Variants in GRIN2B observed in about 807,000 individuals in gnomAD.
GRIN2B encodes the protein glutamate receptor ionotropic, NMDA 2B.
In GRIN2B, 5 loss-of-function variants were observed where a neutral mutation model predicts 114.5. The ratio of observed to expected loss-of-function variants is 0.04; its 90% confidence interval spans 0.02 to 0.09. GRIN2B has a LOEUF of 0.09. Ranked by LOEUF, GRIN2B falls within the 10% of genes least tolerant of loss-of-function variation. The pLI, the probability that GRIN2B is intolerant of heterozygous loss-of-function variation, is 1.00. For synonymous variants in GRIN2B, 787 were observed against 745.1 expected, an observed-to-expected ratio of 1.06 and a Z score of -0.92; for missense variants, 1,108 against 1,943.5, an observed-to-expected ratio of 0.57 and a Z score of 8.08.
intron 3 of GRIN2B, among the ~76,000 whole-genome samples, chr12:13,801,243 T>G (rs1864507269): frequency 6.6e-6 from 1 of 152,194 alleles, no homozygotes; most frequent in South Asian, 2.1e-4. Flanking sequence ...GTGCAAATGT[T>G]ACAAACATAC....
Position 13,572,977 on chromosome 12 carries a change from T to A in GRIN2B, c.2011-1013A>T, listed in dbSNP as rs765781726. 6.4e-5 allele frequency among the ~76,000 whole-genome samples: 8 copies of A among 125,438 alleles called. 1 individual carries two copies. Among genetic ancestry groups the A allele is most frequent in the Non-Finnish European group, 1.3e-4 (7 of 55,456 alleles). 82.3% of individuals were successfully genotyped at this position (125,438 alleles called of 152,430 possible). A position where few individuals can be genotyped will look rare whatever the true frequency, so the allele number is the denominator to read the frequency against. ...TGCTAGCTCGTCTCTGATGTCATCA[T>A]TAAGAGTTTAAACTCTAGATTGAAA... On this transcript the variant is annotated intron_variant, in intron 10 of 13. Coordinates refer to ENST00000609686, the MANE Select transcript of GRIN2B (RefSeq NM_000834.5).
chr12:13,869,028 C>T (rs1173206246), intron 2 of GRIN2B, among the ~76,000 whole-genome samples: 2 of 152,176 alleles, frequency 1.3e-5, no homozygotes, highest in African/African-American at 4.8e-5. Flanking sequence ...GGAAGTCTTG[C>T]TCTCCCTGTA....
intron 4 of GRIN2B, among the ~76,000 whole-genome samples, chr12:13,680,539 G>A (rs1591672975): frequency 6.6e-6 from 1 of 151,396 alleles, no homozygotes; most frequent in Non-Finnish European, 1.5e-5. Flanking sequence ...TAAGAAACCA[G>A]ATGGTCTGCC....
intron 5 of GRIN2B, among the ~76,000 whole-genome samples, chr12:13,621,720 C>G (rs34182908): frequency 0.51 from 11,347 of 22,192 alleles, 454 homozygotes; most frequent in African/African-American, 0.52. Context: ...GGGAATTTCT[C>G]CTCAGAAGGA....
At chr12:13,709,455 C>T (rs576178226) in intron 4 of GRIN2B, among the ~76,000 whole-genome samples, 3 of 151,934 alleles carry the variant, frequency 2.0e-5, no homozygotes, top group South Asian at 4.1e-4. Flanking sequence ...AAATCGAAAG[C>T]GTCAGCAAAG....
chr12:13,686,798 G>C (rs144660263), intron 4 of GRIN2B, among the ~76,000 whole-genome samples: 2 of 152,118 alleles, frequency 1.3e-5, no homozygotes, highest in Non-Finnish European at 2.9e-5. Flanking sequence ...TGATTTGGCT[G>C]TCTGTCCATC....
intron 3 of GRIN2B, among the ~76,000 whole-genome samples, chr12:13,791,657 A>G (rs377683742): frequency 3.3e-5 from 5 of 152,224 alleles, no homozygotes; most frequent in East Asian, 3.9e-4. Context: ...TAGCCTTATG[A>G]GGTAGGAATT....
intron 2 of GRIN2B, among the ~76,000 whole-genome samples, chr12:13,882,382 G>A (rs746781691): frequency 2.0e-5 from 3 of 152,154 alleles, no homozygotes; most frequent in Non-Finnish European, 4.4e-5. Context: ...TCAAGAGGAG[G>A]AAAGAGAAGC....
At chr12:13,825,141 C>T (rs1317612085) in intron 3 of GRIN2B, among the ~76,000 whole-genome samples, 1 of 151,726 alleles carries the variant, frequency 6.6e-6, no homozygotes, top group Non-Finnish European at 1.5e-5. Flanking sequence ...TAATTCAGTC[C>T]AAAATATATC....
intron 12 of GRIN2B, among the ~76,000 whole-genome samples, chr12:13,568,071 CAA>C (rs1348195128): frequency 6.6e-6 from 1 of 151,948 alleles, no homozygotes; most frequent in East Asian, 1.9e-4. Flanking sequence ...AAATAAAGAG[CAA>C]AGAGGAGTAA....
chr12:13,829,027 G>A (rs542080024), intron 3 of GRIN2B, among the ~76,000 whole-genome samples: 1 of 152,084 alleles, frequency 6.6e-6, no homozygotes, highest in South Asian at 2.1e-4. Flanking sequence ...CTTCCATACT[G>A]GAGCCCTTCA....
intron 3 of GRIN2B, among the ~76,000 whole-genome samples, chr12:13,783,713 G>A (rs1864164443): frequency 6.6e-6 from 1 of 152,110 alleles, no homozygotes; most frequent in Non-Finnish European, 1.5e-5. Flanking sequence ...GAAGGAAAAG[G>A]AATGTCAAAT....
intron 3 of GRIN2B, among the ~76,000 whole-genome samples, chr12:13,782,107 T>C (rs1864125854): frequency 6.6e-6 from 1 of 152,172 alleles, no homozygotes; most frequent in Non-Finnish European, 1.5e-5. Context: ...GCTAGTGAGG[T>C]TGAACGTAAA....
At chr12:13,859,018 T>C (rs1324260083) in intron 3 of GRIN2B, among the ~76,000 whole-genome samples, 1 of 152,226 alleles carries the variant, frequency 6.6e-6, no homozygotes, top group African/African-American at 2.4e-5. Flanking sequence ...TTTTTGAGAA[T>C]GCAAGATGGC....
At chr12:13,784,309 T>C (rs929690357) in intron 3 of GRIN2B, among the ~76,000 whole-genome samples, 14 of 147,346 alleles carry the variant, frequency 9.5e-5, no homozygotes, top group Non-Finnish European at 2.1e-4. Context: ...CCCTGCTAAA[T>C]AGGAAGCTTC....
chr12:13,834,631 C>T (rs772584283), intron 3 of GRIN2B, among the ~76,000 whole-genome samples: 3 of 152,124 alleles, frequency 2.0e-5, no homozygotes, highest in Non-Finnish European at 4.4e-5. Flanking sequence ...GCTCTCCCTT[C>T]GGCCCTTTCA....
chr12:13,978,615 G>T (rs1324164357), intron 2 of GRIN2B, among the ~76,000 whole-genome samples: 2 of 152,164 alleles, frequency 1.3e-5, no homozygotes, highest in East Asian at 3.8e-4. Context: ...TGTGTGTGTT[G>T]GGGTGGTGGT....
intron 10 of GRIN2B, among the ~76,000 whole-genome samples, chr12:13,594,270 G>C (rs1949044738): frequency 6.6e-6 from 1 of 152,086 alleles, no homozygotes; most frequent in Non-Finnish European, 1.5e-5. Context: ...ACTTGGAACT[G>C]ACCCAAATGC....
intron 10 of GRIN2B, among the ~76,000 whole-genome samples, chr12:13,600,914 C>T (rs947626853): frequency 6.6e-6 from 1 of 152,110 alleles, no homozygotes; most frequent in African/African-American, 2.4e-5. Context: ...TAAAATTAAC[C>T]AGCAAGGAGA....
Sources: allele counts gnomAD v4.1 joint callset (sites outside exome capture counted in the v4.1 genomes callset), GRCh38; gene constraint gnomAD v4.1.1; transcripts MANE v1.5; gene names NCBI Gene and HGNC (gene_info 2026-07-23, HGNC 2026-07-21).